ABCF1: variants seen among roughly 807,000 people sequenced by gnomAD.
ABCF1 encodes ATP-binding cassette sub-family F member 1.
In ABCF1, 73 loss-of-function variants were observed where a neutral mutation model predicts 126.3. The observed-to-expected ratio is 0.58, with a 90% CI of 0.48 to 0.70. The LOEUF is 0.70. Ranked by LOEUF, ABCF1 falls within the 30% of genes least tolerant of loss-of-function variation. The pLI, the probability that ABCF1 is intolerant of heterozygous loss-of-function variation, is 0.00. For synonymous variants in ABCF1, 345 were observed against 396.4 expected, an observed-to-expected ratio of 0.87 and a Z score of 1.54; for missense variants, 786 against 1,057.5, an observed-to-expected ratio of 0.74 and a Z score of 3.56.
intron 20 of ABCF1, among the ~76,000 whole-genome samples, chr6:30,588,950 G>T (rs1181830096): frequency 6.6e-6 from 1 of 151,870 alleles, no homozygotes; most frequent in Admixed American, 6.6e-5. Context: ...CTCCCCTTTT[G>T]TCCCTTAACT....
chr6:30,583,711 G>A lies in ABCF1; in HGVS notation c.1016+3G>A. On this transcript the variant is annotated splice_donor_region_variant and intron_variant, in intron 11 of 24. Coordinates refer to ENST00000326195, the MANE Select transcript of ABCF1 (RefSeq NM_001025091.2). This position sits in a 1 kb window ranked among gnomAD's most constrained non-coding sequence, Gnocchi z 4.1. ...TACGGGCTGGTAGGACCCAATGGGT[G>A]AGAAGAGGAGGGAGCTGGAGGCAAA... 1 of 1,614,052 alleles carries A rather than the reference G, an allele frequency of 6.2e-7. No individual in the cohort carries two copies. The highest frequency in any genetic ancestry group is 8.5e-7 in the Non-Finnish European group (1 of 1,179,916).
intron 1 of ABCF1, among the ~76,000 whole-genome samples, chr6:30,573,083 T>A (rs1288794199): frequency 6.6e-6 from 1 of 152,184 alleles, no homozygotes; most frequent in Admixed American, 6.5e-5. Context: ...CAATGGAGAA[T>A]GAATGGCCTT....
chr6:30,590,105 T>C, intron 22 of ABCF1, 44 bp from the exon 23 acceptor site: 1 of 1,612,564 alleles, frequency 6.2e-7, no homozygotes, highest in South Asian at 1.1e-5. Flanking sequence ...GCCTTCAGAA[T>C]GTGAGGTGCT....
rs748277168 is a variant in ABCF1, at chr6:30,577,924, C to T, written c.216+11C>T. 10 of 1,613,712 alleles carry T rather than the reference C, an allele frequency of 6.2e-6. No individual in the cohort carries two copies. The highest frequency in any genetic ancestry group is 6.8e-6 in the Non-Finnish European group (8 of 1,179,974). ...CAACAGCAACAGCAGGTACAAGTGC[C>T]ACAGGGCCCACCAATCCTGGGAGGC... is the stretch of plus-strand genomic sequence containing the variant. On this transcript the variant is annotated intron_variant, in intron 3 of 24. Coordinates refer to ENST00000326195, the MANE Select transcript of ABCF1 (RefSeq NM_001025091.2).
chr6:30,587,631 G>T (rs1238322691), intron 20 of ABCF1, among the ~76,000 whole-genome samples: 3 of 149,150 alleles, frequency 2.0e-5, no homozygotes, highest in Non-Finnish European at 4.4e-5. Flanking sequence ...GCAAAACTCC[G>T]TCTAAAAAAA....
chr6:30,589,982 T>C lies in ABCF1; in HGVS notation c.2233+8T>C, dbSNP rs1378608883. On this transcript the variant is annotated splice_region_variant and intron_variant, in intron 22 of 24. Transcript: ENST00000326195. ...AGATCTGCAAACTCTCTGGTACCAC[T>C]TCAGGGGCCAGGGAGGGTGCCCTTC... is the stretch of plus-strand genomic sequence containing the variant. The C allele has an allele frequency of 3.1e-6, 5 of 1,612,248 alleles. No homozygotes were observed. Among genetic ancestry groups the C allele is most frequent in the Non-Finnish European group, 4.2e-6 (5 of 1,179,692 alleles).
Position 30,578,484 on chromosome 6 carries a change from T to C in ABCF1, c.396T>C (p.Phe132=), listed in dbSNP as rs772144985. The C allele has an allele frequency of 1.9e-6, 3 of 1,613,952 alleles. No individual in the cohort carries two copies. In the African/African-American group the frequency reaches 4.0e-5, roughly 22 times the overall value. ...TCATTCTCTAGGGTGGTAATGTTTTTGCAGCCCTGATTCAGGATCAGAGTG... is the reference window on the plus strand; with the variant it reads ...TCATTCTCTAGGGTGGTAATGTTTTCGCAGCCCTGATTCAGGATCAGAGTG... ...GGKKTKGGNV[F]AALIQDQSEE... The change falls in exon 6 of 25, where the codon TTT becomes TTC. Residue 132 remains phenylalanine, a synonymous_variant. Transcript: ENST00000326195.
At chr6:30,576,325 T>G (rs1317795352) in intron 1 of ABCF1, among the ~76,000 whole-genome samples, 1 of 136,778 alleles carries the variant, frequency 7.3e-6, no homozygotes, top group Admixed American at 7.7e-5. Context: ...TCTTGCTCTG[T>G]CACCCAGGCT....
chr6:30,583,027 A>G lies in ABCF1; in HGVS notation c.793-39A>G. 6.3e-7 allele frequency: 1 copy of G among 1,588,724 alleles called. No homozygotes were observed. ...TGTTTCATGGTGATGGGAAACTGGT[A>G]GACTGTGGCTTCAAATGTAGTTTTT... On this transcript the variant is annotated intron_variant, in intron 9 of 24. Coordinates refer to ENST00000326195, the MANE Select transcript of ABCF1 (RefSeq NM_001025091.2). The surrounding 1 kb of genome is among the most constrained non-coding windows in gnomAD (Gnocchi z 4.1).
At chr6:30,573,074 A>G (rs188070343) in intron 1 of ABCF1, among the ~76,000 whole-genome samples, 1 of 152,362 alleles carries the variant, frequency 6.6e-6, no homozygotes, top group African/African-American at 2.4e-5. Flanking sequence ...AGCACTGAGC[A>G]ATGGAGAATG....
rs1238050608 is a variant in ABCF1 at position 30,585,990 on chromosome 6, C to T, written c.1712C>T (p.Ala571Val). Reference sequence around the variant, plus strand: ...GCAGGCGGGAAGTCCACCAAGCAGGCGGTGAGCACCTGAGGGACTTCTGGG... The same window carrying T: ...GCAGGCGGGAAGTCCACCAAGCAGGTGGTGAGCACCTGAGGGACTTCTGGG... ...LKAGGKSTKQAEKQTKEALTR... is the reference protein window; with the variant it reads ...LKAGGKSTKQVEKQTKEALTR... The change falls in exon 17 of 25, where the codon GCG becomes GTG. Residue 571 changes from alanine (A) to valine (V), a missense_variant and splice_region_variant. By Grantham distance (64) the Ala-to-Val change is moderately conservative (BLOSUM62 0). Around this residue, in one of 4 missense-constraint regions of ABCF1, gnomAD observed 288 missense variants for 423.5 expected, o/e 0.68. Transcript: ENST00000326195. 2 of 1,607,130 alleles carry T rather than the reference C, an allele frequency of 1.2e-6. No homozygotes were observed. Among genetic ancestry groups the T allele is most frequent in the African/African-American group, 1.3e-5 (1 of 74,756 alleles).
intron 2 of ABCF1, 30 bp from the exon 3 acceptor site, chr6:30,577,788 T>C (rs1280031372): frequency 6.2e-7 from 1 of 1,609,622 alleles, no homozygotes; most frequent in Non-Finnish European, 8.5e-7. Context: ...CTTGGAAACA[T>C]GTTTACCTGT....
chr6:30,583,290 G>A lies in ABCF1; in HGVS notation c.915+102G>A, dbSNP rs553861317. 55 of 1,459,140 alleles carry A rather than the reference G, an allele frequency of 3.8e-5. No homozygotes were observed. Among genetic ancestry groups the A allele is most frequent in the Non-Finnish European group, 6.5e-6 (7 of 1,083,014 alleles). 90.4% of individuals were successfully genotyped at this position (1,459,140 alleles called of 1,614,324 possible). A position where few individuals can be genotyped will look rare whatever the true frequency, so the allele number is the denominator to read the frequency against. ...GGTGTGTGAATGGGTTAGTTCAGTG[G>A]GAAGAAAGATTGGAGGCATTTTCCA... On this transcript the variant is annotated intron_variant, in intron 10 of 24. Transcript: ENST00000326195. This position sits in a 1 kb window ranked among gnomAD's most constrained non-coding sequence, Gnocchi z 4.1.
At position 30,577,451 on chromosome 6, in the gene ABCF1, A is replaced by C; in HGVS notation, c.116A>C (p.Lys39Thr). Reference sequence around the variant, plus strand: ...GGGAAGAAGGACAAGAAGATCAAAAAAACGGTGAGAAAATGAGGGTTGAGG... The same window carrying C: ...GGGAAGAAGGACAAGAAGATCAAAACAACGGTGAGAAAATGAGGGTTGAGG... ...KKGKKDKKIK[K>T]TFFEELAVED... Residue 39 changes from lysine (K) to threonine (T), a missense_variant, in exon 2 of 25, where the codon AAA (lysine) becomes ACA (threonine). Transcript: ENST00000326195. 6.2e-7 allele frequency: 1 copy of C among 1,613,760 alleles called. No individual in the cohort carries two copies. The highest frequency in any genetic ancestry group is 8.5e-7 in the Non-Finnish European group (1 of 1,179,818).
rs761545960 is a variant in ABCF1 at position 30,586,118 on chromosome 6, T to C, written c.1714-16T>C. On this transcript the variant is annotated splice_polypyrimidine_tract_variant and intron_variant, in intron 17 of 24. Coordinates refer to ENST00000326195, the MANE Select transcript of ABCF1 (RefSeq NM_001025091.2). This position sits in a 1 kb window ranked among gnomAD's most constrained non-coding sequence, Gnocchi z 4.9. ...GCGCAGGGCTCAGGTTTCTCTTTTTTCCTCTTCCTCTCCAGGAAAAACAAA... is the reference window on the plus strand; with the variant it reads ...GCGCAGGGCTCAGGTTTCTCTTTTTCCCTCTTCCTCTCCAGGAAAAACAAA... The C allele has an allele frequency of 1.9e-6, 3 of 1,608,250 alleles. No homozygotes were observed. Among genetic ancestry groups the C allele is most frequent in the Non-Finnish European group, 2.5e-6 (3 of 1,178,080 alleles).
chr6:30,578,103 G>A lies in ABCF1; in HGVS notation c.244G>A (p.Gly82Ser), dbSNP rs368975352. The change falls in exon 4 of 25, where the codon GGC (glycine) becomes AGC (serine). Residue 82 changes from glycine (G) to serine (S), a missense_variant. Gly to Ser is a moderately conservative substitution (Grantham distance 56). Transcript: ENST00000326195. ...AAAAAAAAAGCGAGATACCCGAAAA[G>A]GCAGGCGGAAGAAGGATGTGGATGA... ...QQKKKRDTRK[G>S]RRKKDVDDDG... The A allele has an allele frequency of 2.5e-6, 4 of 1,614,052 alleles. No homozygotes were observed. Among genetic ancestry groups the A allele is most frequent in the Non-Finnish European group, 8.5e-7 (1 of 1,180,018 alleles).
Position 30,590,858 on chromosome 6 carries a change from C to A in ABCF1, c.*157C>A. 2 of 691,532 alleles carry A rather than the reference C, an allele frequency of 2.9e-6. No homozygotes were observed. Among genetic ancestry groups the A allele is most frequent in the East Asian group, 2.9e-5 (1 of 34,534 alleles). 42.8% of individuals were successfully genotyped at this position (691,532 alleles called of 1,614,324 possible). On this transcript the variant is annotated 3_prime_UTR_variant, in exon 25 of 25. Coordinates refer to ENST00000326195, the MANE Select transcript of ABCF1 (RefSeq NM_001025091.2). Reference sequence around the variant, plus strand: ...TGTGACCTTGATGTGACCGGGATCCCACTCTGATTGCATCCATTTCTCTGA... The same window carrying A: ...TGTGACCTTGATGTGACCGGGATCCAACTCTGATTGCATCCATTTCTCTGA...
rs1474398557 is a variant in ABCF1 at position 30,584,453 on chromosome 6, T to G, written c.1278T>G (p.Ala426=). ...AATTGCGGGCCACTGGGGCGGCAGC[T>G]GCAGAGGCCAAAGCACGGCGGATCC... The part of the protein sequence containing the change: ...YEELRATGAA[A]AEAKARRILA... The change falls in exon 14 of 25, where the codon GCT becomes GCG. Residue 426 remains alanine, a synonymous_variant. Transcript: ENST00000326195. This position sits in a 1 kb window ranked among gnomAD's most constrained non-coding sequence, Gnocchi z 4.6. 1.1e-5 allele frequency: 17 copies of G among 1,612,976 alleles called. No homozygotes were observed. In the African/African-American group the frequency reaches 1.3e-4, roughly 13 times the overall value.
chr6:30,586,006 G>A lies in ABCF1; in HGVS notation c.1713+15G>A. 2 of 1,602,976 alleles carry A rather than the reference G, an allele frequency of 1.2e-6. No individual in the cohort carries two copies. The highest frequency in any genetic ancestry group is 1.3e-5 in the African/African-American group (1 of 74,746). On this transcript the variant is annotated intron_variant, in intron 17 of 24. Coordinates refer to ENST00000326195, the MANE Select transcript of ABCF1 (RefSeq NM_001025091.2). The surrounding 1 kb of genome is among the most constrained non-coding windows in gnomAD (Gnocchi z 4.9). ...CCAAGCAGGCGGTGAGCACCTGAGG[G>A]ACTTCTGGGCTGGGGGCCACTGTTC... is the stretch of plus-strand genomic sequence containing the variant.
Sources: gnomAD v4.1 joint callset for allele counts (sites outside exome capture counted in the v4.1 genomes callset) on GRCh38, gnomAD v4.1.1 for gene constraint, gnomAD v4.1.1 regional missense constraint, Gnocchi (gnomAD v3.1) non-coding constraint, MANE v1.5 for transcripts, NCBI Gene and HGNC (gene_info 2026-07-23, HGNC 2026-07-21) for gene names.